GBX2: variants seen among roughly 807,000 people sequenced by gnomAD.
GBX2 encodes the protein gastrulation brain homeobox 2.
Under a neutral mutation model 22.4 loss-of-function variants are expected in GBX2, and 5 were observed. That is an observed-to-expected ratio of 0.22 (90% confidence interval 0.12 to 0.47). The LOEUF (loss-of-function observed/expected upper bound fraction) is 0.47, where lower values mean the gene tolerates loss of function less well. Ranked by LOEUF, GBX2 falls within the 20% of genes least tolerant of loss-of-function variation. The probability of loss-of-function intolerance (pLI) is 0.99; values close to 1 mark genes in which losing one functional copy is unlikely to be tolerated. For synonymous variants in GBX2, 220 were observed against 230.5 expected (o/e 0.95, Z 0.41); for missense variants, 470 against 495.4 (o/e 0.95, Z 0.49).
Position 236,167,784 on chromosome 2 carries a change from G to A in GBX2, c.188C>T (p.Pro63Leu). The A allele has an allele frequency of 2.2e-6, 3 of 1,344,426 alleles. No homozygotes were observed. The highest frequency in any genetic ancestry group is 2.9e-6 in the Non-Finnish European group (3 of 1,041,274). 83.3% of individuals were successfully genotyped at this position (1,344,426 alleles called of 1,614,324 possible). A position where few individuals can be genotyped will look rare whatever the true frequency, so the allele number is the denominator to read the frequency against. Reference sequence around the variant, plus strand: ...CTGCAGCGCGGCCTGGGGCAGCGCGGGCGGCGGCGGCGGCGGCGGCGGCAG... The same window carrying A: ...CTGCAGCGCGGCCTGGGGCAGCGCGAGCGGCGGCGGCGGCGGCGGCGGCAG... ...VVLPPPPPPPPALPQAALQPA... is the reference protein window; with the variant it reads ...VVLPPPPPPPLALPQAALQPA... The change falls in exon 1 of 2, where the codon CCC (proline) becomes CTC (leucine). Residue 63 changes from proline (P) to leucine (L), a missense_variant. By Grantham distance (98) the Pro-to-Leu change is moderately conservative (BLOSUM62 -3). Transcript: ENST00000306318.
chr2:236,161,509 T>A (rs946147994), downstream of GBX2, among the ~76,000 whole-genome samples: 2 of 152,222 alleles, frequency 1.3e-5, no homozygotes, highest in African/African-American at 4.8e-5. Context: ...AAAATGAAGA[T>A]GAATGCCACC....
chr2:236,161,720 G>A (rs2060214668), downstream of GBX2, among the ~76,000 whole-genome samples: 1 of 152,208 alleles, frequency 6.6e-6, no homozygotes, highest in South Asian at 2.1e-4. Context: ...ACAGAAATAG[G>A]TGTGTGCACT....
rs569795969 is a variant in GBX2 at position 236,168,015 on chromosome 2, G to A, written c.-44C>T. 4 of 1,407,902 alleles carry A rather than the reference G, an allele frequency of 2.8e-6. No homozygotes were observed. The highest frequency in any genetic ancestry group is 6.1e-5 in the East Asian group (2 of 32,714). 87.2% of individuals were successfully genotyped at this position (1,407,902 alleles called of 1,614,324 possible). A position where few individuals can be genotyped will look rare whatever the true frequency, so the allele number is the denominator to read the frequency against. ...CCAGCGAGAGGCGAAAAGTCCCCGCGCCGCGCCGCCGCCGGGAAGCCCGCC... is the reference window on the plus strand; with the variant it reads ...CCAGCGAGAGGCGAAAAGTCCCCGCACCGCGCCGCCGCCGGGAAGCCCGCC... On this transcript the variant is annotated 5_prime_UTR_variant, in exon 1 of 2. Transcript: ENST00000306318.
Position 236,165,562 on chromosome 2 carries a change from TA to T in GBX2, c.*351del, listed in dbSNP as rs1160422018. On this transcript the variant is annotated 3_prime_UTR_variant, in exon 2 of 2. Coordinates refer to ENST00000306318, the MANE Select transcript of GBX2 (RefSeq NM_001485.4). ...TGGAAAAGTATGGAAAGGTGGCTGC[TA>T]ACCGCGCAGATTACAGCAGAGGTTT... 5.1e-6 allele frequency: 1 copy of T among 196,886 alleles called. No homozygotes were observed. Among genetic ancestry groups the T allele is most frequent in the East Asian group, 1.2e-4 (1 of 8,308 alleles). The allele number at this position is 196,886 out of a possible 1,614,324, so 12.2% of individuals were successfully genotyped here.
At chr2:236,167,335 G>A (rs2060245871) in intron 1 of GBX2, 114 bp downstream of exon 1, 1 of 1,374,818 alleles carries the variant, frequency 7.3e-7, no homozygotes, top group Non-Finnish European at 9.7e-7. Context: ...CTCCTCCCGC[G>A]GGGGTCGAGC....
downstream of GBX2, among the ~76,000 whole-genome samples, chr2:236,164,939 A>G (rs1244389531): frequency 6.6e-6 from 1 of 152,204 alleles, no homozygotes; most frequent in Admixed American, 6.5e-5. Context: ...TCCTCCGGGC[A>G]CCCACCTCCT....
chr2:236,167,377 C>T (rs2060246199), intron 1 of GBX2, 72 bp downstream of exon 1: 7 of 1,408,136 alleles, frequency 5.0e-6, no homozygotes, highest in East Asian at 5.6e-5. Context: ...TGGTCTCCCG[C>T]GGGAACCCGG....
chr2:236,164,656 G>A (rs1482734133), downstream of GBX2, among the ~76,000 whole-genome samples: 3 of 152,076 alleles, frequency 2.0e-5, no homozygotes, highest in Non-Finnish European at 2.9e-5. Context: ...GACCCCGCCC[G>A]GAGGGGGAGG....
chr2:236,166,659 C>G lies in GBX2; in HGVS notation c.524-222G>C, dbSNP rs1033920435. 6.6e-6 allele frequency among the ~76,000 whole-genome samples: 1 copy of G among 152,064 alleles called. No individual in the cohort carries two copies. The highest frequency in any genetic ancestry group is 2.4e-5 in the African/African-American group (1 of 41,420). The stretch of plus-strand genomic sequence containing the variant: ...GGAGAGGAGGCAGTACAGGCGACGG[C>G]CCTTTGCCCAGAACCATCACTCAAA... On this transcript the variant is annotated intron_variant, in intron 1 of 1. Coordinates refer to ENST00000306318, the MANE Select transcript of GBX2 (RefSeq NM_001485.4). The surrounding 1 kb of genome is among the most constrained non-coding windows in gnomAD (Gnocchi z 6.6).
At chr2:236,163,408 C>T (rs1417872196), downstream of GBX2, among the ~76,000 whole-genome samples, 2 of 152,212 alleles carry the variant, frequency 1.3e-5, no homozygotes, top group Admixed American at 6.5e-5. Flanking sequence ...GTCCCAGGAG[C>T]GGGGCTTCCT....
Position 236,166,529 on chromosome 2 carries a change from G to T in GBX2, c.524-92C>A. ...GTCATTTGGACATTCCGCGCCCCCC[G>T]CCCCCCACCCTTTAGCGGATTGTCT... On this transcript the variant is annotated intron_variant, in intron 1 of 1. Coordinates refer to ENST00000306318, the MANE Select transcript of GBX2 (RefSeq NM_001485.4). This position sits in a 1 kb window ranked among gnomAD's most constrained non-coding sequence, Gnocchi z 6.6. The T allele has an allele frequency of 1.8e-6, 2 of 1,094,984 alleles. No individual in the cohort carries two copies. The highest frequency in any genetic ancestry group is 2.7e-6 in the Non-Finnish European group (2 of 747,178). 67.8% of individuals were successfully genotyped at this position (1,094,984 alleles called of 1,614,324 possible). A position where few individuals can be genotyped will look rare whatever the true frequency, so the allele number is the denominator to read the frequency against.
chr2:236,164,655 C>T (rs1179698738), downstream of GBX2, among the ~76,000 whole-genome samples: 1 of 152,052 alleles, frequency 6.6e-6, no homozygotes, highest in Non-Finnish European at 1.5e-5. Context: ...CGACCCCGCC[C>T]GGAGGGGGAG....
rs1176207621 is a variant in GBX2, at chr2:236,165,475, C to T, written c.*439G>A. On this transcript the variant is annotated 3_prime_UTR_variant, in exon 2 of 2. Coordinates refer to ENST00000306318, the MANE Select transcript of GBX2 (RefSeq NM_001485.4). ...CTGCTTTTCAGTCAACTCAAAAAGC[C>T]AGAACGCAAACCAAAATCAGTTTAA... 1 of 158,686 alleles carries T rather than the reference C, an allele frequency of 6.3e-6. No homozygotes were observed. Among genetic ancestry groups the T allele is most frequent in the African/African-American group, 2.4e-5 (1 of 41,562 alleles). The allele number at this position is 158,686 out of a possible 1,614,324, so 9.8% of individuals were successfully genotyped here.
Position 236,166,474 on chromosome 2 carries a change from G to T in GBX2, c.524-37C>A, listed in dbSNP as rs886522437. The T allele has an allele frequency of 3.2e-6, 5 of 1,579,584 alleles. No individual in the cohort carries two copies. The highest frequency in any genetic ancestry group is 3.5e-6 in the Non-Finnish European group (4 of 1,158,918). ...ACCAAACGGCATTTTATTACATTTCGCACACTGGCCTTCCTTTCTCCTTCC... is the reference window on the plus strand; with the variant it reads ...ACCAAACGGCATTTTATTACATTTCTCACACTGGCCTTCCTTTCTCCTTCC... On this transcript the variant is annotated intron_variant, in intron 1 of 1. Transcript: ENST00000306318. The surrounding 1 kb of genome is among the most constrained non-coding windows in gnomAD (Gnocchi z 6.6).
downstream of GBX2, among the ~76,000 whole-genome samples, chr2:236,164,175 A>G (rs2060225214): frequency 6.6e-6 from 1 of 151,852 alleles, no homozygotes; most frequent in South Asian, 2.1e-4. Context: ...TTAAGTCAAT[A>G]TTAGTACTAA....
chr2:236,163,268 G>C (rs948964178), downstream of GBX2, among the ~76,000 whole-genome samples: 2 of 152,222 alleles, frequency 1.3e-5, no homozygotes, highest in Non-Finnish European at 2.9e-5. Flanking sequence ...TCAGGGGTTA[G>C]GGAGGGAGGG....
In GBX2 at chr2:236,165,889, G is replaced by T; in HGVS notation, c.*25C>A. The T allele has an allele frequency of 6.4e-7, 1 of 1,572,182 alleles. No individual in the cohort carries two copies. Among genetic ancestry groups the T allele is most frequent in the Non-Finnish European group, 8.6e-7 (1 of 1,159,298 alleles). The stretch of plus-strand genomic sequence containing the variant: ...GGTGCGGGGGCTTCTCCAGGTGGGT[G>T]CCAGGCCCTGGCCCTTCTGGACCCT... On this transcript the variant is annotated 3_prime_UTR_variant, in exon 2 of 2. Coordinates refer to ENST00000306318, the MANE Select transcript of GBX2 (RefSeq NM_001485.4).
downstream of GBX2, among the ~76,000 whole-genome samples, chr2:236,164,059 T>C (rs1049148679): frequency 3.3e-5 from 5 of 152,002 alleles, no homozygotes; most frequent in African/African-American, 1.2e-4. Context: ...CGGGAAAGGG[T>C]GACTCGGTCG....
downstream of GBX2, among the ~76,000 whole-genome samples, chr2:236,163,526 C>T (rs992983960): frequency 6.6e-6 from 1 of 152,160 alleles, no homozygotes; most frequent in Non-Finnish European, 1.5e-5. Flanking sequence ...TTGGAGAAGG[C>T]GGGTGGGGTT....
Sources: allele counts gnomAD v4.1 joint callset (sites outside exome capture counted in the v4.1 genomes callset), GRCh38; gene constraint gnomAD v4.1.1; non-coding constraint Gnocchi (gnomAD v3.1); transcripts MANE v1.5; gene names NCBI Gene and HGNC (gene_info 2026-07-23, HGNC 2026-07-21).